SCEL: variants seen among roughly 807,000 people sequenced by gnomAD.
The protein encoded by SCEL is sciellin.
A neutral mutation model predicts 117.6 loss-of-function variants in SCEL; 113 were observed. The ratio of observed to expected loss-of-function variants is 0.96; its 90% confidence interval spans 0.83 to 1.12. The LOEUF is 1.12. Among genes scored for constraint, SCEL ranks in the 50% most tolerant of loss-of-function variants. The pLI is 0.00. For missense variants in SCEL, 785 were observed against 810.8 expected, an observed-to-expected ratio of 0.97 and a Z score of 0.39; for synonymous variants, 270 against 256.2, an observed-to-expected ratio of 1.05 and a Z score of -0.51.
chr13:77,625,236 G>A (rs998627265), intron 27 of SCEL, among the ~76,000 whole-genome samples: 3 of 152,128 alleles, frequency 2.0e-5, no homozygotes, highest in African/African-American at 7.2e-5. Flanking sequence ...CAAATATTGA[G>A]TAAAGTATTA....
At chr13:77,602,379 A>G (rs906918027) in intron 16 of SCEL, 6 of 486,998 alleles carry the variant, frequency 1.2e-5, no homozygotes, top group Non-Finnish European at 2.2e-5. Flanking sequence ...TTAAGAGATG[A>G]GTCAAATTTT....
chr13:77,542,911 CCT>C (rs1454695372), intron 1 of SCEL, among the ~76,000 whole-genome samples: 2 of 152,012 alleles, frequency 1.3e-5, no homozygotes, highest in Non-Finnish European at 2.9e-5. Flanking sequence ...AGGGATTTTC[CCT>C]GTTTCATTGA....
chr13:77,610,299 A>C (rs2088554404), intron 22 of SCEL, among the ~76,000 whole-genome samples, 193 bp downstream of exon 22: 1 of 151,942 alleles, frequency 6.6e-6, no homozygotes, highest in Admixed American at 6.6e-5. Flanking sequence ...AAAAATACAA[A>C]AATTTAGCTG....
At chr13:77,571,131 G>A (rs186311148) in intron 8 of SCEL, among the ~76,000 whole-genome samples, 17 of 150,514 alleles carry the variant, frequency 1.1e-4, no homozygotes, top group African/African-American at 3.6e-4. Flanking sequence ...CGCCTAGCTC[G>A]CTCACAGTTT....
At chr13:77,580,480 C>G (rs2086206062) in intron 9 of SCEL, among the ~76,000 whole-genome samples, 1 of 152,134 alleles carries the variant, frequency 6.6e-6, no homozygotes, top group Non-Finnish European at 1.5e-5. Flanking sequence ...AATAACAGTT[C>G]TGGAAAGTTG....
chr13:77,601,286 G>A (rs924291769), intron 15 of SCEL, among the ~76,000 whole-genome samples: 1 of 152,084 alleles, frequency 6.6e-6, no homozygotes. Context: ...TTATAATCTG[G>A]GATAATTTGA....
At chr13:77,577,149 G>A (rs144201673) in intron 9 of SCEL, among the ~76,000 whole-genome samples, 254 of 152,048 alleles carry the variant, frequency 1.7e-3, no homozygotes, top group African/African-American at 5.4e-3. Context: ...ACCTGATTAC[G>A]CTGGCCAGAA....
At chr13:77,569,035 A>G (rs1330279515) in intron 7 of SCEL, among the ~76,000 whole-genome samples, 1 of 152,232 alleles carries the variant, frequency 6.6e-6, no homozygotes, top group Non-Finnish European at 1.5e-5. Context: ...AAACCGCAAC[A>G]TAATTAGTTA....
intron 9 of SCEL, among the ~76,000 whole-genome samples, chr13:77,578,526 T>G (rs530480266): frequency 6.6e-6 from 1 of 152,188 alleles, no homozygotes; most frequent in Admixed American, 6.5e-5. Context: ...AGATCAACTG[T>G]GGGGGCATGA....
intron 1 of SCEL, among the ~76,000 whole-genome samples, chr13:77,553,771 G>A (rs2084488738): frequency 6.6e-6 from 1 of 151,678 alleles, no homozygotes; most frequent in Admixed American, 6.6e-5. Flanking sequence ...ACTGTGTGCT[G>A]GGCAATAATT....
intron 31 of SCEL, among the ~76,000 whole-genome samples, chr13:77,642,190 A>T (rs144480304): frequency 8.2e-4 from 125 of 152,268 alleles, no homozygotes; most frequent in African/African-American, 2.9e-3. Flanking sequence ...TAGCCATAGC[A>T]ATACAGAGCC....
chr13:77,607,699 C>A (rs2088319920), intron 19 of SCEL, among the ~76,000 whole-genome samples: 2 of 152,188 alleles, frequency 1.3e-5, no homozygotes, highest in African/African-American at 2.4e-5. Context: ...TGGAATGCTT[C>A]ATGAAACAAG....
chr13:77,622,593 G>T (rs1286197442), intron 27 of SCEL, among the ~76,000 whole-genome samples: 5 of 152,096 alleles, frequency 3.3e-5, no homozygotes, highest in African/African-American at 9.7e-5. Flanking sequence ...ACATTATTAG[G>T]CCAGGTACCT....
chr13:77,572,513 G>T (rs1318454411), intron 9 of SCEL, among the ~76,000 whole-genome samples: 1 of 152,168 alleles, frequency 6.6e-6, no homozygotes, highest in Non-Finnish European at 1.5e-5. Context: ...GGAATTTATT[G>T]TCTCATGGTT....
intron 1 of SCEL, among the ~76,000 whole-genome samples, chr13:77,542,832 G>T (rs1272547170): frequency 6.6e-6 from 1 of 152,048 alleles, no homozygotes; most frequent in Non-Finnish European, 1.5e-5. Flanking sequence ...TTATTGATCT[G>T]TAATTATAGA....
rs896311435 is a variant in SCEL, at chr13:77,645,071, A to G, written c.*797A>G. Reference sequence around the variant, plus strand: ...GGGTAACAGGTAAAATATGACATGTATAGCTTACATGTTATTATTTGTTAA... The same window carrying G: ...GGGTAACAGGTAAAATATGACATGTGTAGCTTACATGTTATTATTTGTTAA... On this transcript the variant is annotated 3_prime_UTR_variant, in exon 33 of 33. Coordinates refer to ENST00000349847, the MANE Select transcript of SCEL (RefSeq NM_144777.3). 7.2e-6 allele frequency: 1 copy of G among 139,726 alleles called. No homozygotes were observed. The highest frequency in any genetic ancestry group is 1.5e-5 in the Non-Finnish European group (1 of 65,030). The allele number at this position is 139,726 out of a possible 1,614,324, so 8.7% of individuals were successfully genotyped here. A position where few individuals can be genotyped will look rare whatever the true frequency, so the allele number is the denominator to read the frequency against.
intron 1 of SCEL, 24 bp from the exon 2 acceptor site, chr13:77,555,833 C>G: frequency 6.6e-7 from 1 of 1,523,904 alleles, no homozygotes; most frequent in Non-Finnish European, 9.1e-7. Flanking sequence ...GATGTGCTTT[C>G]TCTATTTCCC....
chr13:77,638,914 C>T (rs955940517), intron 30 of SCEL, among the ~76,000 whole-genome samples: 12 of 152,108 alleles, frequency 7.9e-5, no homozygotes, highest in African/African-American at 2.9e-4. Flanking sequence ...GAGCTCTTTC[C>T]TCTTCAAACA....
In SCEL at chr13:77,602,108, G is replaced by A. The variant is rs1752740267; in HGVS notation, c.961G>A (p.Asp321Asn). The change falls in exon 16 of 33, where the codon GAC (aspartate) becomes AAC (asparagine). Residue 321 changes from aspartate (D) to asparagine (N), a missense_variant. Transcript: ENST00000349847. ...GSPIKVNQRT[D>N]KNEKGRQNLE... ...TCCGATTAAAGTTAATCAAAGGACT[G>A]ACAAAAATGAGAAAGGGTAAGTCAA... 2 of 1,610,934 alleles carry A rather than the reference G, an allele frequency of 1.2e-6. No individual in the cohort carries two copies. Among genetic ancestry groups the A allele is most frequent in the Non-Finnish European group, 1.7e-6 (2 of 1,178,832 alleles).
Sources: allele counts gnomAD v4.1 joint callset (sites outside exome capture counted in the v4.1 genomes callset), GRCh38; gene constraint gnomAD v4.1.1; transcripts MANE v1.5; gene names NCBI Gene and HGNC (gene_info 2026-07-23, HGNC 2026-07-21).